The following PRKCH variants were observed in gnomAD, a reference collection of about 807,000 sequenced individuals.
PRKCH encodes the protein protein kinase C eta, also known as protein kinase C eta type.
Under a neutral mutation model 82.5 loss-of-function variants are expected in PRKCH, and 28 were observed. The ratio of observed to expected loss-of-function variants is 0.34; its 90% CI spans 0.25 to 0.47. PRKCH has a LOEUF of 0.47. Ranked by LOEUF, PRKCH falls within the 20% of genes least tolerant of loss-of-function variation. The pLI is 1.00. For missense variants in PRKCH, 705 were observed against 881.8 expected (o/e 0.80, Z 2.54); for synonymous variants, 322 against 327.4 (o/e 0.98, Z 0.18).
chr14:61,379,031 C>T (rs2046462504), intron 1 of PRKCH, among the ~76,000 whole-genome samples: 1 of 152,222 alleles, frequency 6.6e-6, no homozygotes, highest in Non-Finnish European at 1.5e-5. Flanking sequence ...AGTGGCTCCC[C>T]ATTGCCCTGG....
intron 1 of PRKCH, among the ~76,000 whole-genome samples, chr14:61,246,307 T>A (rs371657057): frequency 6.7e-6 from 1 of 148,712 alleles, no homozygotes; most frequent in Non-Finnish European, 1.5e-5. Context: ...ACTTGGGAGG[T>A]TGAGGCAGGA....
At chr14:61,485,022 C>A (rs921430699) in intron 9 of PRKCH, among the ~76,000 whole-genome samples, 1 of 151,972 alleles carries the variant, frequency 6.6e-6, no homozygotes, top group Non-Finnish European at 1.5e-5. Context: ...CTGCACCCGG[C>A]CTCCACTTCT....
intron 2 of PRKCH, among the ~76,000 whole-genome samples, chr14:61,433,100 T>C (rs1194573019): frequency 6.7e-6 from 1 of 149,632 alleles, no homozygotes; most frequent in Non-Finnish European, 1.5e-5. Flanking sequence ...AGCTCTCACC[T>C]TGGTTTTGTG....
chr14:61,246,718 A>T (rs1332745853), intron 1 of PRKCH, among the ~76,000 whole-genome samples: 1 of 151,984 alleles, frequency 6.6e-6, no homozygotes, highest in African/African-American at 2.4e-5. Flanking sequence ...AATAACAACC[A>T]TGTTGGCACT....
chr14:61,346,685 GT>G (rs1338988683), intron 1 of PRKCH, among the ~76,000 whole-genome samples: 3 of 152,186 alleles, frequency 2.0e-5, no homozygotes, highest in Non-Finnish European at 4.4e-5. Flanking sequence ...TTTCATGTAT[GT>G]GTGTACTATG....
intron 1 of PRKCH, among the ~76,000 whole-genome samples, chr14:61,336,363 T>C (rs1957899): frequency 0.36 from 54,144 of 152,070 alleles, 10,161 homozygotes; most frequent in East Asian, 0.51. Context: ...TCACAGGGAT[T>C]GGGGGTAAAT....
At chr14:61,492,664 C>T (rs7158868) in intron 10 of PRKCH, among the ~76,000 whole-genome samples, 24,152 of 152,210 alleles carry the variant, frequency 0.16, 1,965 homozygotes, top group South Asian at 0.2. Flanking sequence ...ATTTCCTGAG[C>T]TGCCACCTAG....
chr14:61,306,705 A>G (rs1594901554), intron 1 of PRKCH: 1 of 152,246 alleles, frequency 6.6e-6, no homozygotes, highest in African/African-American at 2.4e-5. Flanking sequence ...TCTACAACTT[A>G]ATAACGTACG....
chr14:61,550,510 A>G lies in PRKCH; in HGVS notation c.*679A>G, dbSNP rs2043311921. ...GGTGCCACAATGCCCAGTATTGTAA[A>G]CAACAGGTTTGCATTCATGAAGCTT... On this transcript the variant is annotated 3_prime_UTR_variant, in exon 14 of 14. Transcript: ENST00000332981. 1 of 152,684 alleles carries G rather than the reference A, an allele frequency of 6.5e-6. No individual in the cohort carries two copies. Among genetic ancestry groups the G allele is most frequent in the Non-Finnish European group, 1.5e-5 (1 of 68,050 alleles). 9.5% of individuals were successfully genotyped at this position (152,684 alleles called of 1,614,324 possible). A position where few individuals can be genotyped will look rare whatever the true frequency, so the allele number is the denominator to read the frequency against.
At chr14:61,227,809 T>G (rs563298573) in intron 1 of PRKCH, among the ~76,000 whole-genome samples, 1 of 152,226 alleles carries the variant, frequency 6.6e-6, no homozygotes, top group African/African-American at 2.4e-5. Flanking sequence ...AAGAGAGACC[T>G]GAGCAGCCAG....
chr14:61,485,488 G>T lies in PRKCH; in HGVS notation c.1279-14G>T. The T allele has an allele frequency of 2.5e-6, 4 of 1,612,912 alleles. No individual in the cohort carries two copies. The highest frequency in any genetic ancestry group is 1.7e-4 in the Middle Eastern group (1 of 6,026). On this transcript the variant is annotated splice_polypyrimidine_tract_variant and intron_variant, in intron 9 of 13. Transcript: ENST00000332981. ...GCTACACCACATTGGGCCCTCTCTT[G>T]TGTTTGTATCCAGGATCGTCTGTTT...
intron 10 of PRKCH, among the ~76,000 whole-genome samples, chr14:61,498,885 CGT>C (rs60396956): frequency 0.081 from 12,367 of 152,146 alleles, 608 homozygotes; most frequent in South Asian, 0.19. Flanking sequence ...CATTCATACA[CGT>C]GTTTGGGGTT....
Position 61,280,273 on chromosome 14 carries a change from G to A in PRKCH, c.-19+92605G>A. ...CTTGTGGCCGCCGAACGCGCGCACC[G>A]GGTAGTTGTAGGTGATGTTGACGCG... On this transcript the variant is annotated intron_variant, in intron 1 of 3. Coordinates refer to the PRKCH transcript ENST00000555185. This position sits in a 1 kb window ranked among gnomAD's most constrained non-coding sequence, Gnocchi z 5.0. 2 of 1,614,078 alleles carry A rather than the reference G, an allele frequency of 1.2e-6. No homozygotes were observed. The highest frequency in any genetic ancestry group is 8.5e-7 in the Non-Finnish European group (1 of 1,179,996).
rs538206927 is a variant in PRKCH, at chr14:61,217,029, T to C, written c.-19+29361T>C. ...CGGCATATACATTTGTAAAAATTCATCAAGCTCTACACTTTAGATTTGCAC... is the reference window on the plus strand; with the variant it reads ...CGGCATATACATTTGTAAAAATTCACCAAGCTCTACACTTTAGATTTGCAC... On this transcript the variant is annotated intron_variant, in intron 1 of 3. Transcript: ENST00000555185. 5.9e-5 allele frequency among the ~76,000 whole-genome samples: 9 copies of C among 151,504 alleles called. No individual in the cohort carries two copies. In the South Asian group the frequency reaches 1.9e-3, roughly 32 times the overall value.
intron 2 of PRKCH, among the ~76,000 whole-genome samples, chr14:61,406,754 G>A (rs555500448): frequency 4.3e-4 from 65 of 152,256 alleles, no homozygotes; most frequent in African/African-American, 1.6e-3. Flanking sequence ...TGATTTGAAA[G>A]CATGATAACA....
chr14:61,246,071 T>A (rs1174610311), intron 1 of PRKCH, among the ~76,000 whole-genome samples: 2 of 152,092 alleles, frequency 1.3e-5, no homozygotes, highest in East Asian at 3.9e-4. Context: ...TGGACAAATA[T>A]TGAGTCCAAT....
intron 12 of PRKCH, 66 bp downstream of exon 12, chr14:61,530,661 A>G (rs2043034552): frequency 6.9e-7 from 1 of 1,454,678 alleles, no homozygotes; most frequent in African/African-American, 1.4e-5. Context: ...GTGCTGCTTG[A>G]GTCTTTTCAG....
chr14:61,320,023 G>C (rs1050712951), upstream of PRKCH, among the ~76,000 whole-genome samples: 11 of 152,134 alleles, frequency 7.2e-5, no homozygotes, highest in African/African-American at 2.4e-4. Context: ...TAGAGGAGTG[G>C]GGGCTAGAAA....
intron 12 of PRKCH, among the ~76,000 whole-genome samples, chr14:61,532,838 G>T (rs1047559948): frequency 6.6e-6 from 1 of 152,194 alleles, no homozygotes; most frequent in Non-Finnish European, 1.5e-5. Context: ...TCTCCTTGCA[G>T]GTTCACTTTT....
Sources: gnomAD v4.1 joint callset for allele counts (sites outside exome capture counted in the v4.1 genomes callset) on GRCh38, gnomAD v4.1.1 for gene constraint, Gnocchi (gnomAD v3.1) non-coding constraint, MANE v1.5 for transcripts, NCBI Gene and HGNC (gene_info 2026-07-23, HGNC 2026-07-21) for gene names.